Variants in STARD7 observed in about 807,000 individuals in gnomAD.
STARD7 encodes the protein StAR related lipid transfer domain containing 7, also known as stAR-related lipid transfer protein 7, mitochondrial.
Under a neutral mutation model 45.3 loss-of-function variants are expected in STARD7, and 30 were observed. That is an observed-to-expected ratio of 0.66 (90% CI 0.50 to 0.90). The LOEUF (loss-of-function observed/expected upper bound fraction) is 0.90, where lower values mean the gene tolerates loss of function less well. Ranked by LOEUF, STARD7 falls within the 40% of genes least tolerant of loss-of-function variation. STARD7 has a pLI of 0.00. For synonymous variants in STARD7, 199 were observed against 183.0 expected, an observed-to-expected ratio of 1.09 and a Z score of -0.70; for missense variants, 495 against 491.3, an observed-to-expected ratio of 1.01 and a Z score of -0.07.
At chr2:96,201,822 T>C (rs1683309547) in intron 1 of STARD7, among the ~76,000 whole-genome samples, 1 of 152,156 alleles carries the variant, frequency 6.6e-6, no homozygotes, top group Non-Finnish European at 1.5e-5. Flanking sequence ...CATTAATATA[T>C]TGCTGCAAAA....
chr2:96,201,991 T>C (rs1456187034), intron 1 of STARD7, among the ~76,000 whole-genome samples: 1 of 152,200 alleles, frequency 6.6e-6, no homozygotes, highest in Non-Finnish European at 1.5e-5. Context: ...CGTTATTTCT[T>C]GAAGTCCTAT....
chr2:96,195,367 G>GT lies in STARD7; in HGVS notation c.472dup (p.Thr158AsnfsTer32). The GT allele has an allele frequency of 6.3e-7, 1 of 1,584,564 alleles. No individual in the cohort carries two copies. Among genetic ancestry groups the GT allele is most frequent in the Non-Finnish European group, 8.6e-7 (1 of 1,165,150 alleles). On this transcript the variant is annotated frameshift_variant, in exon 2 of 8. Transcript: ENST00000337288. LOFTEE classifies it high-confidence loss of function. ...TCGGTACTGGTAAAGGTGGGTGCCTGTAATTGGGCGCCGCCACAGCTTAAA... is the reference window on the plus strand; with the variant it reads ...TCGGTACTGGTAAAGGTGGGTGCCTGTTAATTGGGCGCCGCCACAGCTTAAA...
Position 96,195,549 on chromosome 2 carries a change from T to A in STARD7, c.291A>T (p.Arg97Ser). The stretch of plus-strand genomic sequence containing the variant: ...CCAACCGCTTCATCTCATTAATAGA[T>A]CTGTAAAGGGGAAAAAGAGCCATGG... Reference protein sequence around the residue: ...EERIQEEELQRSINEMKRLEE... With the variant: ...EERIQEEELQSSINEMKRLEE... The change falls in exon 2 of 8, where the codon AGA (arginine) becomes AGT (serine). Residue 97 changes from arginine to serine, a missense_variant and splice_region_variant. This residue lies in a region of STARD7 where 282 missense variants were observed against 220.1 expected (regional missense o/e 1.28). Transcript: ENST00000337288. 6.2e-7 allele frequency: 1 copy of A among 1,611,594 alleles called. No homozygotes were observed. Among genetic ancestry groups the A allele is most frequent in the African/African-American group, 1.3e-5 (1 of 74,940 alleles).
intron 1 of STARD7, among the ~76,000 whole-genome samples, chr2:96,205,684 A>T: frequency 6.6e-6 from 1 of 152,248 alleles, no homozygotes; most frequent in East Asian, 1.9e-4. Context: ...GAATACTTAA[A>T]CACAAAGCAA....
intron 1 of STARD7, among the ~76,000 whole-genome samples, chr2:96,203,978 A>G (rs952238149): frequency 6.6e-6 from 1 of 151,160 alleles, no homozygotes; most frequent in African/African-American, 2.4e-5. Context: ...CCAAAAAAAG[A>G]CATAGAGCCA....
At chr2:96,197,103 A>ACGC (rs1683230748) in intron 1 of STARD7, among the ~76,000 whole-genome samples, 1 of 145,524 alleles carries the variant, frequency 6.9e-6, no homozygotes, top group Admixed American at 6.9e-5. Context: ...AAATAAAATA[A>ACGC]AATAAAATAA....
intron 1 of STARD7, among the ~76,000 whole-genome samples, chr2:96,198,097 T>C (rs558965923): frequency 1.3e-5 from 2 of 152,076 alleles, no homozygotes; most frequent in Non-Finnish European, 2.9e-5. Flanking sequence ...CCAAGGTGGG[T>C]GGATCACTCT....
chr2:96,197,529 T>G (rs1459979238), intron 1 of STARD7, among the ~76,000 whole-genome samples: 1 of 152,272 alleles, frequency 6.6e-6, no homozygotes, highest in Non-Finnish European at 1.5e-5. Context: ...CCGTTTTTTA[T>G]TGGGTTGTCT....
chr2:96,187,139 T>G, intron 7 of STARD7, 78 bp downstream of exon 7: 1 of 1,169,108 alleles, frequency 8.6e-7, no homozygotes, highest in East Asian at 2.4e-5. Flanking sequence ...AAGAGACGTT[T>G]TATTTCCCCA....
chr2:96,193,205 C>A (rs114773469), intron 4 of STARD7, 37 bp downstream of exon 4: 2 of 1,601,050 alleles, frequency 1.2e-6, no homozygotes, highest in Non-Finnish European at 1.7e-6. Context: ...ATCACACAAA[C>A]CTGGACAGAA....
chr2:96,208,321 C>T lies in STARD7; in HGVS notation c.114G>A (p.Ala38=). 6.2e-7 allele frequency: 1 copy of T among 1,605,758 alleles called. No homozygotes were observed. The part of the protein sequence containing the change: ...RFVTGLRVRR[A]QQIAQLYGRL... ...GGCCGTAGAGCTGCGCGATCTGCTG[C>T]GCGCGCCGCACGCGCAGGCCCGTGA... The change falls in exon 1 of 8, where the codon GCG becomes GCA. Residue 38 remains alanine, a synonymous_variant. Coordinates refer to ENST00000337288, the MANE Select transcript of STARD7 (RefSeq NM_020151.4).
At chr2:96,200,721 G>A (rs554655739) in intron 1 of STARD7, among the ~76,000 whole-genome samples, 8 of 151,686 alleles carry the variant, frequency 5.3e-5, no homozygotes, top group South Asian at 4.2e-4. Context: ...TCACTATGTC[G>A]CCGAAACTGG....
chr2:96,187,554 AG>A (rs1427575643), intron 6 of STARD7: 1 of 376,846 alleles, frequency 2.7e-6, no homozygotes, highest in Non-Finnish European at 4.9e-6. Flanking sequence ...CCCTGTGCAT[AG>A]ACTATGCAAA....
intron 1 of STARD7, among the ~76,000 whole-genome samples, chr2:96,197,074 AAT>A (rs1419717751): frequency 2.3e-5 from 3 of 128,120 alleles, no homozygotes; most frequent in Non-Finnish European, 5.0e-5. Flanking sequence ...CTCAAAATAA[AAT>A]AAAATAAAAT....
intron 2 of STARD7, 39 bp downstream of exon 2, chr2:96,195,302 G>C (rs772011075): frequency 1.4e-5 from 21 of 1,479,788 alleles, no homozygotes; most frequent in African/African-American, 2.8e-5. Flanking sequence ...ATGCACCTGT[G>C]CAACTATGGA....
In STARD7 at chr2:96,194,966, T is replaced by C. The variant is rs765401746; in HGVS notation, c.541A>G (p.Asn181Asp). 3 of 1,610,084 alleles carry C rather than the reference T, an allele frequency of 1.9e-6. No homozygotes were observed. The highest frequency in any genetic ancestry group is 4.5e-5 in the East Asian group (2 of 44,830). Residue 181 changes from asparagine to aspartate, a missense_variant, in exon 3 of 8, where the codon AAT (asparagine) becomes GAT (aspartate). Coordinates refer to ENST00000337288, the MANE Select transcript of STARD7 (RefSeq NM_020151.4). ...GAGAAAAATTAACTCACCTGAACAT[T>C]GAAGAACTGCCGAGGTGTCACATCT... ...YTDVTPRQFF[N>D]VQLDTEYRKK...
intron 1 of STARD7, among the ~76,000 whole-genome samples, chr2:96,200,267 T>C (rs908203377): frequency 6.6e-6 from 1 of 152,154 alleles, no homozygotes; most frequent in Non-Finnish European, 1.5e-5. Flanking sequence ...TTAGTAGAGA[T>C]GGGGTTGCAC....
chr2:96,206,930 CTG>C (rs1403749889), intron 1 of STARD7, among the ~76,000 whole-genome samples: 1 of 151,924 alleles, frequency 6.6e-6, no homozygotes, highest in Non-Finnish European at 1.5e-5. Flanking sequence ...ACCCAAGAGA[CTG>C]TGATTATAAC....
In STARD7 at chr2:96,185,954, T is replaced by G. The variant is rs538151151; in HGVS notation, c.*776A>C. ...TTAGTCTCCCAGTGTTCTTGGTAAA[T>G]GGGGAAGGTTAGGAAGGAGGCAATG... On this transcript the variant is annotated 3_prime_UTR_variant, in exon 8 of 8. Transcript: ENST00000337288. The G allele has an allele frequency of 6.6e-6, 1 of 152,052 alleles. No individual in the cohort carries two copies. The highest frequency in any genetic ancestry group is 1.5e-5 in the Non-Finnish European group (1 of 68,016). The allele number at this position is 152,052 out of a possible 1,614,324, so 9.4% of individuals were successfully genotyped here. A position where few individuals can be genotyped will look rare whatever the true frequency, so the allele number is the denominator to read the frequency against.
Sources: allele counts gnomAD v4.1 joint callset (sites outside exome capture counted in the v4.1 genomes callset), GRCh38; gene constraint gnomAD v4.1.1; regional missense constraint gnomAD v4.1.1; transcripts MANE v1.5; gene names NCBI Gene and HGNC (gene_info 2026-07-23, HGNC 2026-07-21).